Variants in SCAMP1 observed in about 807,000 individuals in gnomAD.
SCAMP1 encodes secretory carrier-associated membrane protein 1.
A neutral mutation model predicts 41.8 loss-of-function variants in SCAMP1; 15 were observed. The ratio of observed to expected loss-of-function variants is 0.36; its 90% confidence interval spans 0.24 to 0.55. SCAMP1 has a LOEUF of 0.55. SCAMP1 is among the 20% of genes least tolerant of loss of function. SCAMP1 has a pLI of 0.86. For missense variants in SCAMP1, 341 were observed against 412.6 expected, an observed-to-expected ratio of 0.83 and a Z score of 1.50; for synonymous variants, 135 against 136.8, an observed-to-expected ratio of 0.99 and a Z score of 0.09.
At chr5:78,382,834 T>C (rs1751244825) in intron 1 of SCAMP1, among the ~76,000 whole-genome samples, 1 of 149,648 alleles carries the variant, frequency 6.7e-6, no homozygotes. Flanking sequence ...ACATTTTCTG[T>C]ATCCACTCGT....
At chr5:78,373,191 T>C (rs1168981900) in intron 1 of SCAMP1, among the ~76,000 whole-genome samples, 1 of 152,164 alleles carries the variant, frequency 6.6e-6, no homozygotes, top group East Asian at 1.9e-4. Context: ...ACAGAAATGT[T>C]TGCCTGCAGT....
chr5:78,407,019 G>T lies in SCAMP1; in HGVS notation c.136-8501G>T, dbSNP rs76577762. On this transcript the variant is annotated intron_variant, in intron 2 of 8. Transcript: ENST00000621999. ...ACACAGTTCTAGGTTTGTCAGGAGA[G>T]GAGCTTACTGTAGTACATTTGGTTG... Among the ~76,000 whole-genome samples the T allele has an allele frequency of 5.6e-3, 852 of 152,308 alleles. 5 individuals carry two copies. Among genetic ancestry groups the T allele is most frequent in the South Asian group, 0.018 (89 of 4,822 alleles).
At chr5:78,459,154 C>T in intron 7 of SCAMP1, 91 bp from the exon 8 acceptor site, 1 of 697,896 alleles carries the variant, frequency 1.4e-6, no homozygotes, top group Non-Finnish European at 2.6e-6. Flanking sequence ...TATTGCCTGG[C>T]TGATAAGTGT....
intron 1 of SCAMP1, 96 bp from the exon 2 acceptor site, chr5:78,388,740 TG>T (rs977926767): frequency 3.7e-5 from 21 of 569,766 alleles, no homozygotes; most frequent in Non-Finnish European, 6.4e-5. Context: ...CCTTGCTGCA[TG>T]ACCACAAGTA....
At chr5:78,419,973 T>C (rs1180557615) in intron 5 of SCAMP1, among the ~76,000 whole-genome samples, 2 of 152,220 alleles carry the variant, frequency 1.3e-5, no homozygotes, top group Non-Finnish European at 2.9e-5. Flanking sequence ...ATGTACATGC[T>C]AACCAACTCT....
chr5:78,387,779 G>T (rs569931857), intron 1 of SCAMP1, among the ~76,000 whole-genome samples: 1 of 152,280 alleles, frequency 6.6e-6, no homozygotes, highest in South Asian at 2.1e-4. Context: ...TGTTACTGGG[G>T]ACTGTCTGCA....
At chr5:78,452,238 G>A (rs1233589317) in intron 7 of SCAMP1, among the ~76,000 whole-genome samples, 4 of 149,518 alleles carry the variant, frequency 2.7e-5, no homozygotes, top group African/African-American at 9.9e-5. Flanking sequence ...CATTGTGCAG[G>A]TTAGTTACAT....
intron 6 of SCAMP1, among the ~76,000 whole-genome samples, chr5:78,441,175 G>T (rs11950952): frequency 0.032 from 4,845 of 152,256 alleles, 98 homozygotes; most frequent in Non-Finnish European, 0.047. Flanking sequence ...GTGACACCCT[G>T]CCCTGCTTCG....
intron 2 of SCAMP1, among the ~76,000 whole-genome samples, chr5:78,400,807 T>C (rs62362623): frequency 0.046 from 7,040 of 152,274 alleles, 228 homozygotes; most frequent in Non-Finnish European, 0.075. Context: ...GACAGTCTTA[T>C]TTGTTTCTTC....
chr5:78,436,194 G>A (rs1752748198), intron 6 of SCAMP1, among the ~76,000 whole-genome samples: 1 of 152,176 alleles, frequency 6.6e-6, no homozygotes, highest in African/African-American at 2.4e-5. Context: ...TCCGATGGTA[G>A]TTTCTTTTGC....
At chr5:78,466,447 C>T (rs1183664080) in intron 8 of SCAMP1, among the ~76,000 whole-genome samples, 1 of 152,072 alleles carries the variant, frequency 6.6e-6, no homozygotes, top group East Asian at 1.9e-4. Context: ...GAATAAGGGA[C>T]AGGGAAGAGG....
intron 2 of SCAMP1, among the ~76,000 whole-genome samples, chr5:78,409,669 C>A (rs1319850391): frequency 6.6e-6 from 1 of 152,146 alleles, no homozygotes; most frequent in East Asian, 1.9e-4. Context: ...TATATCAGTG[C>A]TATTAGAGAT....
chr5:78,407,208 G>T (rs1290982063), intron 2 of SCAMP1, among the ~76,000 whole-genome samples: 1 of 151,930 alleles, frequency 6.6e-6, no homozygotes, highest in Admixed American at 6.6e-5. Flanking sequence ...TTTTTTTCTT[G>T]TTGTTATCCC....
chr5:78,459,315 G>A lies in SCAMP1; in HGVS notation c.805G>A (p.Ala269Thr), dbSNP rs1304429380. ...PVGIMMIIIA[A>T]LFTASAVISL... ...TGGAATCATGATGATAATCATAGCA[G>A]CACTTTTCACAGCATCAGCAGTCAT... The change falls in exon 8 of 9, where the codon GCA (alanine) becomes ACA (threonine). Residue 269 changes from alanine (A) to threonine (T), a missense_variant. Transcript: ENST00000621999. 1 of 1,607,876 alleles carries A rather than the reference G, an allele frequency of 6.2e-7. No homozygotes were observed.
intron 7 of SCAMP1, among the ~76,000 whole-genome samples, chr5:78,452,148 T>C (rs899718431): frequency 1.3e-5 from 2 of 152,196 alleles, no homozygotes; most frequent in Admixed American, 6.5e-5. Context: ...AGTGTAATTA[T>C]TGGATTATAT....
rs143316672 is a variant in SCAMP1, at chr5:78,466,843, C to G, written c.852+7481C>G. Among the ~76,000 whole-genome samples, 37 of 152,130 alleles carry G rather than the reference C, an allele frequency of 2.4e-4. No individual in the cohort carries two copies. The East Asian group carries it at 7.2e-3, about 29-fold the overall frequency. On this transcript the variant is annotated intron_variant, in intron 8 of 8. Transcript: ENST00000621999. ...AACACTTAGGAGACGGGCTAGGAAG[C>G]TGATTAGTAATGATGGTGGCCTGAA...
intron 6 of SCAMP1, among the ~76,000 whole-genome samples, chr5:78,446,876 A>T (rs1231804281): frequency 6.6e-6 from 1 of 152,042 alleles, no homozygotes; most frequent in Admixed American, 6.6e-5. Context: ...TTTGTGACTC[A>T]GGGGAAATGG....
At chr5:78,416,407 C>T in intron 3 of SCAMP1, 134 bp from the exon 4 acceptor site, 1 of 588,114 alleles carries the variant, frequency 1.7e-6, no homozygotes, top group Non-Finnish European at 2.8e-6. Context: ...CTATGATCTT[C>T]AGTAAATTCC....
chr5:78,467,578 TTTG>T (rs751179725), intron 8 of SCAMP1, among the ~76,000 whole-genome samples: 86 of 152,182 alleles, frequency 5.7e-4, no homozygotes, highest in Non-Finnish European at 8.4e-4. Flanking sequence ...ACTCTAATAT[TTTG>T]TTGTTGTTGT....
Sources: gnomAD v4.1 joint callset for allele counts (sites outside exome capture counted in the v4.1 genomes callset) on GRCh38, gnomAD v4.1.1 for gene constraint, MANE v1.5 for transcripts, NCBI Gene and HGNC (gene_info 2026-07-23, HGNC 2026-07-21) for gene names.